FAM135B: variants seen among roughly 807,000 people sequenced by gnomAD.
FAM135B encodes the protein protein FAM135B.
A neutral mutation model predicts 127.7 loss-of-function variants in FAM135B; 43 were observed. The ratio of observed to expected loss-of-function variants is 0.34; its 90% confidence interval spans 0.26 to 0.43. The LOEUF is 0.43. FAM135B is among the 20% of genes least tolerant of loss of function. The probability of loss-of-function intolerance (pLI) is 1.00; values close to 1 mark genes in which losing one functional copy is unlikely to be tolerated. For missense variants in FAM135B, 1,558 were observed against 1,725.6 expected (o/e 0.90, Z 1.72); for synonymous variants, 670 against 665.1 (o/e 1.01, Z -0.11).
At chr8:138,372,512 C>T (rs75023250) in intron 1 of FAM135B, among the ~76,000 whole-genome samples, 2,116 of 152,242 alleles carry the variant, frequency 0.014, 49 homozygotes, top group African/African-American at 0.048. Flanking sequence ...CAGAACCAGA[C>T]GCCTGGGTCT....
At chr8:138,490,311 T>C (rs547316764) in intron 1 of FAM135B, among the ~76,000 whole-genome samples, 1 of 151,892 alleles carries the variant, frequency 6.6e-6, no homozygotes, top group African/African-American at 2.4e-5. Context: ...AAGTACAGAG[T>C]CTAGGAGGGA....
At chr8:138,483,360 G>A (rs900325612) in intron 1 of FAM135B, among the ~76,000 whole-genome samples, 4 of 152,216 alleles carry the variant, frequency 2.6e-5, no homozygotes, top group African/African-American at 7.2e-5. Flanking sequence ...TTTGAGCGAC[G>A]TGTTACCACA....
intron 3 of FAM135B, among the ~76,000 whole-genome samples, chr8:138,285,578 A>G (rs963626570): frequency 6.6e-6 from 1 of 152,212 alleles, no homozygotes; most frequent in African/African-American, 2.4e-5. Context: ...TGCCCAGTGC[A>G]TTCAGTTGTA....
intron 13 of FAM135B, among the ~76,000 whole-genome samples, chr8:138,150,351 A>G (rs1429710457): frequency 6.6e-6 from 1 of 152,204 alleles, no homozygotes; most frequent in Non-Finnish European, 1.5e-5. Flanking sequence ...TATTCATAAG[A>G]GAGTTATAAT....
intron 1 of FAM135B, among the ~76,000 whole-genome samples, chr8:138,418,023 G>T (rs1834265536): frequency 6.6e-6 from 1 of 152,028 alleles, no homozygotes; most frequent in Admixed American, 6.6e-5. Flanking sequence ...GGAGAAAGTT[G>T]AAACCCAATC....
chr8:138,322,451 G>T (rs1387821468), intron 2 of FAM135B, among the ~76,000 whole-genome samples: 2 of 152,126 alleles, frequency 1.3e-5, no homozygotes, highest in African/African-American at 2.4e-5. Flanking sequence ...GATACTGTAG[G>T]TTTTTCCAGT....
chr8:138,335,839 T>C (rs1433370466), intron 2 of FAM135B, among the ~76,000 whole-genome samples: 1 of 152,160 alleles, frequency 6.6e-6, no homozygotes, highest in African/African-American at 2.4e-5. Context: ...ATTCCAAAAT[T>C]GACCACATAG....
chr8:138,406,454 C>A (rs9694902), intron 1 of FAM135B, among the ~76,000 whole-genome samples: 57,501 of 147,484 alleles, frequency 0.39, 11,649 homozygotes, highest in African/African-American at 0.51. Flanking sequence ...GAGACACAAC[C>A]AAAAAAGAGA....
chr8:138,312,103 C>T (rs112971461), intron 2 of FAM135B, among the ~76,000 whole-genome samples: 331 of 152,152 alleles, frequency 2.2e-3, no homozygotes, highest in African/African-American at 7.4e-3. Context: ...CGCACCACCA[C>T]GCCTGGCTAA....
intron 1 of FAM135B, among the ~76,000 whole-genome samples, chr8:138,468,101 G>A (rs967946162): frequency 6.6e-6 from 1 of 152,166 alleles, no homozygotes; most frequent in African/African-American, 2.4e-5. Flanking sequence ...TAGGAACTAT[G>A]GGTATTCATC....
In FAM135B at chr8:138,243,079, G is replaced by A. The variant is rs1563811621; in HGVS notation, c.543-11C>T. ...CCTGGACGAGTAAAACTAAACAAAA[G>A]ATAATTGAAAGGGTGAAAAAGGAGG... On this transcript the variant is annotated splice_polypyrimidine_tract_variant and intron_variant, in intron 6 of 19. Coordinates refer to ENST00000395297, the MANE Select transcript of FAM135B (RefSeq NM_015912.4). The surrounding 1 kb of genome is among the most constrained non-coding windows in gnomAD (Gnocchi z 7.5). 6.2e-7 allele frequency: 1 copy of A among 1,603,206 alleles called. No individual in the cohort carries two copies. The highest frequency in any genetic ancestry group is 8.5e-7 in the Non-Finnish European group (1 of 1,175,838).
intron 2 of FAM135B, among the ~76,000 whole-genome samples, chr8:138,358,151 C>G (rs1830205769): frequency 6.6e-6 from 1 of 152,060 alleles, no homozygotes. Context: ...ACGAGAAAAG[C>G]CCAAGAAAAA....
chr8:138,182,029 C>T (rs147655962), intron 9 of FAM135B, among the ~76,000 whole-genome samples: 191 of 152,280 alleles, frequency 1.3e-3, no homozygotes, highest in African/African-American at 4.4e-3. Context: ...CCCAGGCCTC[C>T]GGAACTCAGA....
chr8:138,261,943 C>T (rs1472068874), intron 4 of FAM135B, among the ~76,000 whole-genome samples: 1 of 152,184 alleles, frequency 6.6e-6, no homozygotes, highest in Non-Finnish European at 1.5e-5. Flanking sequence ...ACTGGAAATG[C>T]ATCCATTCCA....
intron 1 of FAM135B, chr8:138,440,459 C>T (rs1835697277): frequency 9.8e-6 from 1 of 102,272 alleles, no homozygotes; most frequent in Non-Finnish European, 1.8e-5. Context: ...ATACAAAAGT[C>T]CAAAAAAGGT....
intron 14 of FAM135B, among the ~76,000 whole-genome samples, chr8:138,146,339 G>A (rs182271189): frequency 1.3e-5 from 2 of 152,256 alleles, no homozygotes; most frequent in African/African-American, 2.4e-5. Flanking sequence ...GGAACAGTGG[G>A]AGATACACCA....
At chr8:138,160,069 C>T (rs891988622) in intron 12 of FAM135B, among the ~76,000 whole-genome samples, 15 of 151,256 alleles carry the variant, frequency 9.9e-5, no homozygotes, top group Admixed American at 9.2e-4. Context: ...CCGATAAACA[C>T]TCTGAATTCT....
Position 138,472,769 on chromosome 8 carries a change from C to T in FAM135B, c.-20+23902G>A, listed in dbSNP as rs898695382. On this transcript the variant is annotated intron_variant, in intron 1 of 19. Transcript: ENST00000395297. The stretch of plus-strand genomic sequence containing the variant: ...TCCACTGGCAGCCTGACAGCCTCAG[C>T]GAGGGGAGTCCCACGTTTAGAAGGA... Among the ~76,000 whole-genome samples the T allele has an allele frequency of 5.9e-5, 9 of 152,222 alleles. No individual in the cohort carries two copies. The South Asian group carries it at 1.2e-3, about 21-fold the overall frequency.
At chr8:138,479,731 A>T (rs1353195147) in intron 1 of FAM135B, among the ~76,000 whole-genome samples, 1 of 152,218 alleles carries the variant, frequency 6.6e-6, no homozygotes, top group East Asian at 1.9e-4. Flanking sequence ...TGATGATTGT[A>T]TCTTTGTATC....
Sources: gnomAD v4.1 joint callset for allele counts (sites outside exome capture counted in the v4.1 genomes callset) on GRCh38, gnomAD v4.1.1 for gene constraint, Gnocchi (gnomAD v3.1) non-coding constraint, MANE v1.5 for transcripts, NCBI Gene and HGNC (gene_info 2026-07-23, HGNC 2026-07-21) for gene names.